Variants in SDK2 observed in about 807,000 individuals in gnomAD.
The protein encoded by SDK2 is sidekick cell adhesion molecule 2.
Under a neutral mutation model 253.9 loss-of-function variants are expected in SDK2, and 105 were observed. The observed-to-expected ratio is 0.41, with a 90% CI of 0.35 to 0.49. SDK2 has a LOEUF of 0.49. Among genes scored for constraint, SDK2 ranks in the 20% least tolerant of loss-of-function variants. The probability of loss-of-function intolerance (pLI) is 0.06; values close to 1 mark genes in which losing one functional copy is unlikely to be tolerated. For missense variants in SDK2, 2,608 were observed against 3,003.0 expected (o/e 0.87, Z 3.07); for synonymous variants, 1,249 against 1,234.9 (o/e 1.01, Z -0.24).
chr17:73,530,690 T>C (rs1031595666), intron 1 of SDK2, among the ~76,000 whole-genome samples: 7 of 152,200 alleles, frequency 4.6e-5, no homozygotes, highest in Non-Finnish European at 1.0e-4. Context: ...TTTCACCTGG[T>C]CTTACAGTCT....
chr17:73,370,556 T>C (rs1599493003), intron 36 of SDK2, among the ~76,000 whole-genome samples: 1 of 105,074 alleles, frequency 9.5e-6, no homozygotes, highest in African/African-American at 6.6e-5. Flanking sequence ...TCTCCCATTT[T>C]ATTTTATTTT....
chr17:73,526,926 C>G (rs1003803360), intron 1 of SDK2, among the ~76,000 whole-genome samples: 2 of 152,240 alleles, frequency 1.3e-5, no homozygotes, highest in Non-Finnish European at 2.9e-5. Context: ...TTGACCTTTC[C>G]TGATCAGTGA....
At chr17:73,495,770 G>A (rs1206636082) in intron 2 of SDK2, among the ~76,000 whole-genome samples, 1 of 152,016 alleles carries the variant, frequency 6.6e-6, no homozygotes, top group African/African-American at 2.4e-5. Flanking sequence ...AGGACAGCCT[G>A]CTCCTCCTCC....
intron 2 of SDK2, among the ~76,000 whole-genome samples, chr17:73,488,395 C>T (rs191185183): frequency 9.5e-4 from 144 of 152,254 alleles, no homozygotes; most frequent in African/African-American, 2.6e-3. Context: ...TGTTCCACTG[C>T]GATTGATATA....
intron 2 of SDK2, among the ~76,000 whole-genome samples, chr17:73,483,117 A>G (rs1302210017): frequency 6.6e-6 from 1 of 151,850 alleles, no homozygotes; most frequent in Non-Finnish European, 1.5e-5. Flanking sequence ...GGGGCCCTCA[A>G]GACTGCTCTG....
At chr17:73,477,105 C>T (rs534577165) in intron 2 of SDK2, among the ~76,000 whole-genome samples, 7 of 152,324 alleles carry the variant, frequency 4.6e-5, no homozygotes, top group South Asian at 2.1e-4. Context: ...GCCTCCCAGG[C>T]GGGTGGAAGA....
At position 73,437,944 on chromosome 17, in the gene SDK2, G is replaced by T; in HGVS notation, c.916+20C>A. 1 of 1,557,910 alleles carries T rather than the reference G, an allele frequency of 6.4e-7. No individual in the cohort carries two copies. On this transcript the variant is annotated intron_variant, in intron 7 of 44. Coordinates refer to ENST00000392650, the MANE Select transcript of SDK2 (RefSeq NM_001144952.2). ...GCCCCTACCCCTCAGGGGAGCCCTA[G>T]CAGCCCCACCCTCTCTCACCCAGCA...
intron 1 of SDK2, chr17:73,520,306 G>A (rs1436019600): frequency 6.6e-6 from 1 of 152,304 alleles, no homozygotes; most frequent in African/African-American, 2.4e-5. Flanking sequence ...TCTCATGGTT[G>A]GCAGAGAACC....
intron 1 of SDK2, among the ~76,000 whole-genome samples, chr17:73,557,971 C>T: frequency 6.6e-6 from 1 of 152,210 alleles, no homozygotes; most frequent in East Asian, 1.9e-4. Flanking sequence ...CAGCCTCTCC[C>T]CAGGGCTCCC....
intron 15 of SDK2, among the ~76,000 whole-genome samples, chr17:73,419,998 T>G (rs925365512): frequency 1.4e-4 from 21 of 152,214 alleles, no homozygotes; most frequent in African/African-American, 5.1e-4. Context: ...TGTCCAAGTG[T>G]TCTATAAGCA....
At position 73,639,393 on chromosome 17, in the gene SDK2, T is replaced by C. The variant is rs1351050455; in HGVS notation, c.64+4632A>G. On this transcript the variant is annotated intron_variant, in intron 1 of 44. Coordinates refer to ENST00000392650, the MANE Select transcript of SDK2 (RefSeq NM_001144952.2). This position sits in a 1 kb window ranked among gnomAD's most constrained non-coding sequence, Gnocchi z 4.3. ...TCCCTGCTCAACGCTGCTCACTGGC[T>C]CTGCCTCCTGCCCAGCACATGGACA... is the stretch of plus-strand genomic sequence containing the variant. Among the ~76,000 whole-genome samples the C allele has an allele frequency of 6.6e-6, 1 of 152,108 alleles. No individual in the cohort carries two copies. The highest frequency in any genetic ancestry group is 1.5e-5 in the Non-Finnish European group (1 of 68,012).
At chr17:73,358,766 C>T (rs1052554623) in intron 39 of SDK2, among the ~76,000 whole-genome samples, 1 of 152,066 alleles carries the variant, frequency 6.6e-6, no homozygotes, top group Non-Finnish European at 1.5e-5. Context: ...ACCCCAACTG[C>T]ATTTCCTATT....
intron 1 of SDK2, among the ~76,000 whole-genome samples, chr17:73,579,003 C>T (rs548207613): frequency 6.6e-6 from 1 of 152,174 alleles, no homozygotes; most frequent in Admixed American, 6.5e-5. Context: ...GGAAGGGGCA[C>T]CCCTTGTCGG....
chr17:73,468,309 C>T (rs1423679549), intron 3 of SDK2, among the ~76,000 whole-genome samples: 4 of 152,208 alleles, frequency 2.6e-5, no homozygotes. Context: ...TGTTTGGGAG[C>T]TGGCTAGACG....
chr17:73,526,488 C>T (rs754393420), intron 1 of SDK2, among the ~76,000 whole-genome samples: 3 of 152,164 alleles, frequency 2.0e-5, no homozygotes, highest in African/African-American at 7.2e-5. Context: ...CTCAGCTTGG[C>T]TTCTGGGCTT....
chr17:73,411,008 A>G (rs947663678), intron 18 of SDK2, among the ~76,000 whole-genome samples: 2 of 152,216 alleles, frequency 1.3e-5, no homozygotes, highest in African/African-American at 4.8e-5. Flanking sequence ...GCAAGAAGCT[A>G]ATTGTTCCCA....
chr17:73,576,290 G>C (rs1432046818), intron 1 of SDK2, among the ~76,000 whole-genome samples: 4 of 151,978 alleles, frequency 2.6e-5, no homozygotes, highest in African/African-American at 9.7e-5. Flanking sequence ...TGGGAAGGGT[G>C]TCCCCAAGGA....
chr17:73,553,024 A>G (rs897306067), intron 1 of SDK2, among the ~76,000 whole-genome samples: 2 of 152,182 alleles, frequency 1.3e-5, no homozygotes, highest in African/African-American at 2.4e-5. Context: ...TGCAGCTCCC[A>G]GGTAGGGCAG....
rs2046051284 is a variant in SDK2 at position 73,616,034 on chromosome 17, AAC to A, written c.64+27989_64+27990del. ...GTAGACACATATGCATATACACATG[AAC>A]ACACATACACACACGTACACACACA... On this transcript the variant is annotated intron_variant, in intron 1 of 44. Transcript: ENST00000392650. The surrounding 1 kb of genome is among the most constrained non-coding windows in gnomAD (Gnocchi z 5.2). Among the ~76,000 whole-genome samples the A allele has an allele frequency of 6.6e-6, 1 of 152,116 alleles. No homozygotes were observed. The highest frequency in any genetic ancestry group is 1.5e-5 in the Non-Finnish European group (1 of 68,008).
Sources: gnomAD v4.1 joint callset for allele counts (sites outside exome capture counted in the v4.1 genomes callset) on GRCh38, gnomAD v4.1.1 for gene constraint, Gnocchi (gnomAD v3.1) non-coding constraint, MANE v1.5 for transcripts, NCBI Gene and HGNC (gene_info 2026-07-23, HGNC 2026-07-21) for gene names.